CSMD1: variants seen among roughly 807,000 people sequenced by gnomAD.
CSMD1 encodes the protein CUB and sushi domain-containing protein 1.
In CSMD1, 213 loss-of-function variants were observed where a neutral mutation model predicts 417.5. The ratio of observed to expected loss-of-function variants is 0.51; its 90% CI spans 0.46 to 0.57. The LOEUF is 0.57. CSMD1 is among the 20% of genes least tolerant of loss of function. The pLI is 0.00. For missense variants in CSMD1, 6,923 were observed against 4,529.7 expected (o/e 1.53, Z -15.17); for synonymous variants, 2,862 against 1,736.8 (o/e 1.65, Z -16.11).
At chr8:3,804,774 G>C (rs536295437) in intron 5 of CSMD1, among the ~76,000 whole-genome samples, 13 of 152,276 alleles carry the variant, frequency 8.5e-5, no homozygotes, top group African/African-American at 2.4e-4. Flanking sequence ...CAGTAGCTGA[G>C]AAAGAAAATA....
chr8:3,079,921 C>G (rs1052854847), intron 49 of CSMD1, among the ~76,000 whole-genome samples: 1 of 152,190 alleles, frequency 6.6e-6, no homozygotes, highest in Non-Finnish European at 1.5e-5. Flanking sequence ...GCTCTTTGCA[C>G]CAGTTCCGTC....
chr8:4,165,199 C>G (rs17069186), intron 3 of CSMD1, among the ~76,000 whole-genome samples: 1 of 152,142 alleles, frequency 6.6e-6, no homozygotes, highest in Non-Finnish European at 1.5e-5. Context: ...ATCAGCAACC[C>G]AAAGAGCTAC....
intron 5 of CSMD1, among the ~76,000 whole-genome samples, chr8:3,770,468 G>T (rs1203691782): frequency 1.3e-5 from 2 of 152,156 alleles, no homozygotes; most frequent in Non-Finnish European, 2.9e-5. Context: ...GGCAGAGATT[G>T]CAGTGAGCCA....
At chr8:3,368,843 T>C (rs150745080) in intron 19 of CSMD1, among the ~76,000 whole-genome samples, 7 of 152,244 alleles carry the variant, frequency 4.6e-5, no homozygotes, top group African/African-American at 1.7e-4. Context: ...TCATTATGTA[T>C]GATGATACTG....
At chr8:3,221,006 G>A (rs1252989484) in intron 28 of CSMD1, among the ~76,000 whole-genome samples, 1 of 151,230 alleles carries the variant, frequency 6.6e-6, no homozygotes, top group African/African-American at 2.4e-5. Context: ...AACTGAGACA[G>A]AGAAGGTCAG....
chr8:4,406,319 G>A (rs961522655), intron 3 of CSMD1, among the ~76,000 whole-genome samples: 2 of 152,080 alleles, frequency 1.3e-5, no homozygotes, highest in Non-Finnish European at 2.9e-5. Flanking sequence ...GCTTCCAGTT[G>A]TGAATTCAAC....
rs192264522 is a variant in CSMD1, at chr8:4,750,479, T to C, written c.86-112921A>G. On this transcript the variant is annotated intron_variant, in intron 1 of 69. Coordinates refer to ENST00000635120, the MANE Select transcript of CSMD1 (RefSeq NM_033225.6). ...TAATATCTAAAACTCTTATGGGCAA[T>C]GCCTCTTAATTTCATAGTCATTATT... Among the ~76,000 whole-genome samples the C allele has an allele frequency of 1.5e-3, 228 of 152,324 alleles. 2 individuals carry two copies. The highest frequency in any genetic ancestry group is 6.8e-3 in the Middle Eastern group (2 of 294).
intron 2 of CSMD1, among the ~76,000 whole-genome samples, chr8:4,469,780 G>A (rs1466577912): frequency 6.6e-6 from 1 of 152,042 alleles, no homozygotes; most frequent in African/African-American, 2.4e-5. Context: ...CCAGGCGACA[G>A]CACTCCTCTG....
chr8:3,848,428 G>C (rs756158994), intron 5 of CSMD1, among the ~76,000 whole-genome samples: 12 of 152,134 alleles, frequency 7.9e-5, no homozygotes, highest in Non-Finnish European at 1.0e-4. Flanking sequence ...ACAATTAGGA[G>C]TTATTTCAAC....
At chr8:4,099,804 C>A (rs1801212871) in intron 3 of CSMD1, among the ~76,000 whole-genome samples, 1 of 152,174 alleles carries the variant, frequency 6.6e-6, no homozygotes, top group Non-Finnish European at 1.5e-5. Context: ...GGGAAGGCTA[C>A]TTTAAATCCC....
chr8:4,458,638 G>C (rs559682509), intron 2 of CSMD1, among the ~76,000 whole-genome samples: 3 of 152,266 alleles, frequency 2.0e-5, no homozygotes, highest in Non-Finnish European at 2.9e-5. Context: ...AAATCAATGA[G>C]AATGTATTTT....
intron 2 of CSMD1, among the ~76,000 whole-genome samples, chr8:4,547,576 A>G (rs753649308): frequency 1.3e-5 from 2 of 152,176 alleles, no homozygotes; most frequent in Non-Finnish European, 2.9e-5. Context: ...ACCATCATCT[A>G]TCTCTCAAGT....
chr8:3,919,778 T>G (rs1325725574), intron 5 of CSMD1, among the ~76,000 whole-genome samples: 1 of 152,172 alleles, frequency 6.6e-6, no homozygotes, highest in African/African-American at 2.4e-5. Flanking sequence ...CAAGCTATCT[T>G]TCCATTTGTT....
At chr8:4,548,405 C>T (rs576207040) in intron 2 of CSMD1, among the ~76,000 whole-genome samples, 2 of 152,168 alleles carry the variant, frequency 1.3e-5, no homozygotes, top group East Asian at 3.9e-4. Flanking sequence ...GACGCATAGT[C>T]TATTTCTTTG....
chr8:4,578,813 C>CAAA (rs754048973), intron 2 of CSMD1, among the ~76,000 whole-genome samples: 13 of 81,452 alleles, frequency 1.6e-4, no homozygotes, highest in African/African-American at 3.9e-4. Flanking sequence ...GACTCCACCT[C>CAAA]AAAAAAAAAA....
At chr8:4,784,667 T>G (rs10086483) in intron 1 of CSMD1, among the ~76,000 whole-genome samples, 13,345 of 152,212 alleles carry the variant, frequency 0.088, 714 homozygotes, top group East Asian at 0.28. Flanking sequence ...GGGCAAATAT[T>G]TTTGAAAATT....
intron 3 of CSMD1, among the ~76,000 whole-genome samples, chr8:4,203,114 T>C (rs566467185): frequency 6.6e-6 from 1 of 152,324 alleles, no homozygotes; most frequent in South Asian, 2.1e-4. Flanking sequence ...TTCCCTGTTG[T>C]CATAACATTT....
intron 12 of CSMD1, among the ~76,000 whole-genome samples, chr8:3,437,510 C>T (rs978686962): frequency 6.6e-6 from 1 of 152,156 alleles, no homozygotes; most frequent in Non-Finnish European, 1.5e-5. Context: ...GCAGCTTCTC[C>T]AGCCCTGCTC....
chr8:3,616,774 C>G lies in CSMD1; in HGVS notation c.1033G>C (p.Val345Leu), dbSNP rs1463231612. 7.4e-6 allele frequency: 12 copies of G among 1,612,094 alleles called. No homozygotes were observed. Among genetic ancestry groups the G allele is most frequent in the Non-Finnish European group, 9.3e-6 (11 of 1,178,982 alleles). The part of the protein sequence containing the change: ...SVLSQGGVAL[V>L]SDMCPDPGIP... ...CCAGGATCTGGACACATGTCAGAGA[C>G]CAATGCAACACCTCCTTGGCTCACT... The change falls in exon 8 of 70, where the codon GTC becomes CTC. Residue 345 changes from valine to leucine, a missense_variant. Physicochemically the swap from Val to Leu is conservative, Grantham distance 32. Coordinates refer to ENST00000635120, the MANE Select transcript of CSMD1 (RefSeq NM_033225.6).
Sources: allele counts gnomAD v4.1 joint callset (sites outside exome capture counted in the v4.1 genomes callset), GRCh38; gene constraint gnomAD v4.1.1; transcripts MANE v1.5; gene names NCBI Gene and HGNC (gene_info 2026-07-23, HGNC 2026-07-21).